ELMOD1: variants seen among roughly 807,000 people sequenced by gnomAD.
ELMOD1 encodes ELMO domain-containing protein 1.
Under a neutral mutation model 46.7 loss-of-function variants are expected in ELMOD1, and 21 were observed. The ratio of observed to expected loss-of-function variants is 0.45; its 90% confidence interval spans 0.32 to 0.65. ELMOD1 has a LOEUF of 0.65. Ranked by LOEUF, ELMOD1 falls within the 30% of genes least tolerant of loss-of-function variation. The pLI is 0.04. For missense variants in ELMOD1, 348 were observed against 407.8 expected, an observed-to-expected ratio of 0.85 and a Z score of 1.26; for synonymous variants, 122 against 138.2, an observed-to-expected ratio of 0.88 and a Z score of 0.82.
chr11:107,660,557 A>G (rs1356437087), intron 11 of ELMOD1, among the ~76,000 whole-genome samples: 3 of 152,354 alleles, frequency 2.0e-5, no homozygotes, highest in African/African-American at 7.2e-5. Context: ...AATAAGAACC[A>G]GAGGAACAGA....
At chr11:107,638,744 A>G (rs1441493812) in intron 6 of ELMOD1, among the ~76,000 whole-genome samples, 1 of 152,228 alleles carries the variant, frequency 6.6e-6, no homozygotes, top group Non-Finnish European at 1.5e-5. Context: ...GCATTTGTGT[A>G]TGGTGTTTAC....
chr11:107,652,437 G>T (rs1387838243), intron 9 of ELMOD1, among the ~76,000 whole-genome samples: 1 of 152,184 alleles, frequency 6.6e-6, no homozygotes, highest in Non-Finnish European at 1.5e-5. Flanking sequence ...CCGACAAGGG[G>T]AATGCCATCT....
At chr11:107,646,675 C>T (rs1395887203) in intron 6 of ELMOD1, among the ~76,000 whole-genome samples, 2 of 151,874 alleles carry the variant, frequency 1.3e-5, no homozygotes, top group South Asian at 2.1e-4. Context: ...GTGGAGGTTG[C>T]AGTGAGCCGA....
At chr11:107,664,561 A>T (rs1289101359) in intron 11 of ELMOD1, among the ~76,000 whole-genome samples, 2 of 152,206 alleles carry the variant, frequency 1.3e-5, no homozygotes, top group East Asian at 3.8e-4. Flanking sequence ...GTCTCATAAT[A>T]GAGTGTCAGA....
At chr11:107,618,301 T>TG in intron 2 of ELMOD1, 95 bp downstream of exon 2, 1 of 1,361,006 alleles carries the variant, frequency 7.3e-7, no homozygotes, top group Non-Finnish European at 1.0e-6. Context: ...TGTGATCCTG[T>TG]GACCAGGACT....
chr11:107,655,573 C>CTTTTTTT lies in ELMOD1; in HGVS notation c.699-351_699-345dup, dbSNP rs746890763. Among the ~76,000 whole-genome samples the CTTTTTTT allele has an allele frequency of 1.5e-3, 173 of 112,430 alleles. 9 individuals are homozygous for CTTTTTTT. The highest frequency in any genetic ancestry group is 5.7e-3 in the Middle Eastern group (1 of 176). 73.8% of individuals were successfully genotyped at this position (112,430 alleles called of 152,430 possible). ...ATCAGATTACCCATTATTGAAATGC[C>CTTTTTTT]TTTTTTTTTTTTTTTGTAAAGTGAA... is the stretch of plus-strand genomic sequence containing the variant. On this transcript the variant is annotated intron_variant, in intron 10 of 11. Transcript: ENST00000265840.
Position 107,615,695 on chromosome 11 carries a change from G to T in ELMOD1, c.-85-2410G>T, listed in dbSNP as rs187592569. ...ATCCAATCAGGATAATACATTACGT[G>T]TAATAGTCATAGCTCCTTTGGCTTG... On this transcript the variant is annotated intron_variant, in intron 1 of 11. Coordinates refer to ENST00000265840, the MANE Select transcript of ELMOD1 (RefSeq NM_018712.4). Among the ~76,000 whole-genome samples the T allele has an allele frequency of 1.5e-3, 222 of 152,174 alleles. 1 individual carries two copies. Among genetic ancestry groups the T allele is most frequent in the Admixed American group, 3.6e-3 (55 of 15,282 alleles).
At chr11:107,658,092 A>G (rs561066103) in intron 11 of ELMOD1, among the ~76,000 whole-genome samples, 2 of 152,312 alleles carry the variant, frequency 1.3e-5, no homozygotes, top group South Asian at 2.1e-4. Flanking sequence ...TTTATCTCCT[A>G]TAGAGAAAAA....
intron 2 of ELMOD1, among the ~76,000 whole-genome samples, chr11:107,621,574 A>G (rs992855606): frequency 3.3e-4 from 36 of 110,394 alleles, no homozygotes; most frequent in African/African-American, 9.6e-4. Context: ...ATCCCATTTT[A>G]CAAAGGAGGA....
At chr11:107,652,436 G>T (rs543430183) in intron 9 of ELMOD1, among the ~76,000 whole-genome samples, 1 of 152,232 alleles carries the variant, frequency 6.6e-6, no homozygotes, top group Admixed American at 6.5e-5. Context: ...CCCGACAAGG[G>T]GAATGCCATC....
intron 1 of ELMOD1, chr11:107,591,855 T>TAGGCAGCCGGGCTGCG (rs1565364680): frequency 8.4e-6 from 4 of 478,512 alleles, no homozygotes; most frequent in Non-Finnish European, 1.7e-5. Context: ...AGGGAGGAGC[T>TAGGCAGCCGGGCTGCG]AGGCAGCCGG....
intron 2 of ELMOD1, chr11:107,619,979 G>A (rs901034801): frequency 6.6e-6 from 1 of 152,124 alleles, no homozygotes; most frequent in Non-Finnish European, 1.5e-5. Flanking sequence ...CATTGGTTTT[G>A]AAATAATAAA....
chr11:107,643,645 AT>A, intron 6 of ELMOD1: 1 of 532,350 alleles, frequency 1.9e-6, no homozygotes, highest in Non-Finnish European at 3.9e-6. Flanking sequence ...CAGCAAGTCC[AT>A]TTAGCTCAAG....
chr11:107,622,523 A>G (rs1417676625), intron 2 of ELMOD1, among the ~76,000 whole-genome samples: 3 of 152,240 alleles, frequency 2.0e-5, no homozygotes, highest in Non-Finnish European at 4.4e-5. Flanking sequence ...AGAGCCAGAC[A>G]TCTAGTCCAA....
At chr11:107,595,287 C>T (rs1438412051) in intron 1 of ELMOD1, among the ~76,000 whole-genome samples, 1 of 151,814 alleles carries the variant, frequency 6.6e-6, no homozygotes, top group Non-Finnish European at 1.5e-5. Flanking sequence ...AAACTTATAA[C>T]TAAGTAGCTC....
chr11:107,640,702 T>C lies in ELMOD1; in HGVS notation c.420+4937T>C, dbSNP rs144039378. ...CAAAAGAAGGATTTAAATACTTTGG[T>C]CACAACATGTACAATTTTTTGACCC... On this transcript the variant is annotated intron_variant, in intron 6 of 11. Coordinates refer to ENST00000265840, the MANE Select transcript of ELMOD1 (RefSeq NM_018712.4). Among the ~76,000 whole-genome samples the C allele has an allele frequency of 4.5e-3, 686 of 152,332 alleles. 3 individuals carry two copies. Among genetic ancestry groups the C allele is most frequent in the African/African-American group, 0.015 (615 of 41,574 alleles).
At chr11:107,660,031 C>T (rs968081983) in intron 11 of ELMOD1, among the ~76,000 whole-genome samples, 2 of 152,078 alleles carry the variant, frequency 1.3e-5, no homozygotes, top group African/African-American at 4.8e-5. Context: ...CAGCAATCCC[C>T]CTATGGATTG....
At chr11:107,651,033 T>G (rs531718303) in intron 9 of ELMOD1, 125 bp downstream of exon 9, 1 of 526,908 alleles carries the variant, frequency 1.9e-6, no homozygotes, top group Non-Finnish European at 2.9e-6. Context: ...AAACCTTTAA[T>G]CTAATATAGT....
intron 10 of ELMOD1, 24 bp from the exon 11 acceptor site, chr11:107,655,909 G>A (rs547166785): frequency 1.9e-6 from 3 of 1,596,970 alleles, no homozygotes; most frequent in South Asian, 2.3e-5. Context: ...ACACACAGTT[G>A]GTTTTGTGGT....
Sources: gnomAD v4.1 joint callset for allele counts (sites outside exome capture counted in the v4.1 genomes callset) on GRCh38, gnomAD v4.1.1 for gene constraint, MANE v1.5 for transcripts, NCBI Gene and HGNC (gene_info 2026-07-23, HGNC 2026-07-21) for gene names.